The following CTBP1 variants were observed in gnomAD, a reference collection of about 807,000 sequenced individuals.
CTBP1 encodes C-terminal-binding protein 1.
CTBP1 carries 11 observed loss-of-function variants against 42.1 expected under a neutral mutation model. The ratio of observed to expected loss-of-function variants is 0.26; its 90% CI spans 0.16 to 0.43. The LOEUF is 0.43. CTBP1 is among the 20% of genes least tolerant of loss of function. The pLI is 1.00. For synonymous variants in CTBP1, 324 were observed against 277.1 expected (o/e 1.17, Z -1.68); for missense variants, 399 against 624.3 (o/e 0.64, Z 3.85).
rs927228537 is a variant in CTBP1, at chr4:1,241,505, G to A, written c.-174C>T. 15 of 1,599,490 alleles carry A rather than the reference G, an allele frequency of 9.4e-6. No homozygotes were observed. Among genetic ancestry groups the A allele is most frequent in the Middle Eastern group, 1.7e-4 (1 of 6,048 alleles). On this transcript the variant is annotated 5_prime_UTR_variant, in exon 2 of 10. Transcript: ENST00000382952. ...CGCGGCAATCACTGAAGCCTGCGTC[G>A]GGGTCAAAGTCTTACTAAAAATCAA...
At chr4:1,219,847 C>T (rs1289825504) in intron 5 of CTBP1, among the ~76,000 whole-genome samples, 2 of 152,176 alleles carry the variant, frequency 1.3e-5, no homozygotes, top group Non-Finnish European at 2.9e-5. Context: ...GAATTTAGAA[C>T]GCTGTGGGAT....
chr4:1,237,504 G>A (rs1226416783), intron 3 of CTBP1: 8 of 682,976 alleles, frequency 1.2e-5, no homozygotes. Context: ...AAAACCCCGT[G>A]TCCACCTCCT....
chr4:1,231,962 C>T (rs569008791), intron 3 of CTBP1, among the ~76,000 whole-genome samples: 1 of 152,256 alleles, frequency 6.6e-6, no homozygotes, highest in East Asian at 1.9e-4. Context: ...TCTCATACAC[C>T]GCTCTGTCTG....
intron 3 of CTBP1, chr4:1,236,787 C>G (rs1490866960): frequency 3.0e-6 from 2 of 669,326 alleles, no homozygotes; most frequent in Non-Finnish European, 5.4e-6. Flanking sequence ...CGGTGTCCAC[C>G]TCCTGATGGG....
At chr4:1,240,302 G>A (rs560809391) in intron 2 of CTBP1, among the ~76,000 whole-genome samples, 2 of 145,802 alleles carry the variant, frequency 1.4e-5, no homozygotes, top group South Asian at 2.3e-4. Flanking sequence ...GGGGACTCCC[G>A]GGTGCTGGGT....
In CTBP1 at chr4:1,212,905, C is replaced by T. The variant is rs779355019; in HGVS notation, c.1106+8G>A. On this transcript the variant is annotated splice_region_variant and intron_variant, in intron 9 of 9. Transcript: ENST00000382952. ...TGGAGGCTGTTCTGGGCCAGCGGGC[C>T]TGCTCACCTATAGGCAGCCCCATTG... The T allele has an allele frequency of 7.4e-6, 12 of 1,612,198 alleles. No homozygotes were observed. The highest frequency in any genetic ancestry group is 5.9e-6 in the Non-Finnish European group (7 of 1,178,868).
At chr4:1,247,332 G>C (rs1732819713) in intron 1 of CTBP1, among the ~76,000 whole-genome samples, 1 of 152,174 alleles carries the variant, frequency 6.6e-6, no homozygotes, top group African/African-American at 2.4e-5. Context: ...TGCAGAGGAC[G>C]CCTGTATGGA....
Position 1,214,371 on chromosome 4 carries a change from G to A in CTBP1, c.832C>T (p.Leu278=), listed in dbSNP as rs758464795. The A allele has an allele frequency of 1.3e-6, 2 of 1,567,090 alleles. No individual in the cohort carries two copies. The highest frequency in any genetic ancestry group is 1.7e-6 in the Non-Finnish European group (2 of 1,162,446). ...AAGGGTTCCGACTCGTGCACATCCA[G>A]GGCCGCGCCGCGGATCCGGCCCTCC... ...LKEGRIRGAA[L]DVHESEPFSF... is the part of the protein sequence containing the mutation. Residue 278 remains leucine (L), a synonymous_variant, in exon 7 of 10, where the codon CTG becomes TTG. Transcript: ENST00000382952.
intron 1 of CTBP1, among the ~76,000 whole-genome samples, chr4:1,246,521 C>T (rs1173047196): frequency 1.3e-5 from 2 of 152,218 alleles, no homozygotes; most frequent in African/African-American, 2.4e-5. Flanking sequence ...TTGGGCACTG[C>T]ATGGGGAGCA....
intron 1 of CTBP1, chr4:1,244,383 G>A (rs1377069763): frequency 3.1e-6 from 3 of 983,186 alleles, no homozygotes; most frequent in African/African-American, 3.5e-5. Flanking sequence ...GAAGTCCCAG[G>A]GGGCACCAAG....
chr4:1,244,206 A>G lies in CTBP1; in HGVS notation c.-188-2687T>C, dbSNP rs1319482663. 20 of 984,806 alleles carry G rather than the reference A, an allele frequency of 2.0e-5. No homozygotes were observed. The Admixed American group carries it at 1.2e-3, about 61-fold the overall frequency. The allele number at this position is 984,806 out of a possible 1,614,324, so 61.0% of individuals were successfully genotyped here. On this transcript the variant is annotated intron_variant, in intron 1 of 9. Coordinates refer to ENST00000382952, the MANE Select transcript of CTBP1 (RefSeq NM_001012614.2). The stretch of plus-strand genomic sequence containing the variant: ...TGCCGGATCCTCCCTCCTGTTGGCC[A>G]CGCCTGCCCACTCCGCCCCGATCCA...
chr4:1,213,182 T>C, intron 8 of CTBP1, 152 bp from the exon 9 acceptor site: 1 of 767,970 alleles, frequency 1.3e-6, no homozygotes, highest in Admixed American at 2.6e-5. Flanking sequence ...GTCCTGTCTC[T>C]CTGGGCACTG....
Position 1,214,327 on chromosome 4 carries a change from C to G in CTBP1, c.860+16G>C, listed in dbSNP as rs1289120807. 2 of 1,534,782 alleles carry G rather than the reference C, an allele frequency of 1.3e-6. No homozygotes were observed. Among genetic ancestry groups the G allele is most frequent in the African/African-American group, 2.9e-5 (2 of 69,458 alleles). ...GACAGGGAAGAGCAGGGGGGCGGCA[C>G]TGGCCGTGGGGGCACCTGAAGGGTT... On this transcript the variant is annotated intron_variant, in intron 7 of 9. Transcript: ENST00000382952.
At chr4:1,229,654 C>G (rs1392067444) in intron 3 of CTBP1, among the ~76,000 whole-genome samples, 1 of 152,214 alleles carries the variant, frequency 6.6e-6, no homozygotes, top group African/African-American at 2.4e-5. Context: ...CCTGTGGGAG[C>G]TGACCCTGCC....
At chr4:1,224,469 CTG>C (rs1239220743) in intron 5 of CTBP1, among the ~76,000 whole-genome samples, 1 of 150,484 alleles carries the variant, frequency 6.6e-6, no homozygotes. Flanking sequence ...CCCATGAGGC[CTG>C]TGTGTGCTGT....
Position 1,238,485 on chromosome 4 carries a change from T to C in CTBP1, c.8-148A>G. 9.6e-7 allele frequency: 1 copy of C among 1,037,118 alleles called. No individual in the cohort carries two copies. 64.2% of individuals were successfully genotyped at this position (1,037,118 alleles called of 1,614,324 possible). A position where few individuals can be genotyped will look rare whatever the true frequency, so the allele number is the denominator to read the frequency against. On this transcript the variant is annotated intron_variant, in intron 2 of 9. Transcript: ENST00000382952. This position sits in a 1 kb window ranked among gnomAD's most constrained non-coding sequence, Gnocchi z 5.9. ...TGTTGTGATATTTGTAAAAAGTAAATTAAAAATCCACGTGAAAGACAACTC... is the reference window on the plus strand; with the variant it reads ...TGTTGTGATATTTGTAAAAAGTAAACTAAAAATCCACGTGAAAGACAACTC...
At chr4:1,248,870 C>T (rs1371032413) in intron 1 of CTBP1, 46 bp downstream of exon 1, 6 of 937,566 alleles carry the variant, frequency 6.4e-6, no homozygotes, top group Non-Finnish European at 2.5e-6. Context: ...ACCCGCCCCG[C>T]CCCGCCCCCG....
At position 1,228,848 on chromosome 4, in the gene CTBP1, C is replaced by T. The variant is rs140920742; in HGVS notation, c.163-505G>A. On this transcript the variant is annotated intron_variant, in intron 3 of 9. Transcript: ENST00000382952. ...GGTAAGTCCCCGCGGCACACAAGCA[C>T]GTCGGCGGAGGCAGGCAGACGCCAC... is the stretch of plus-strand genomic sequence containing the variant. 3.6e-3 allele frequency among the ~76,000 whole-genome samples: 546 copies of T among 152,324 alleles called. 3 individuals carry two copies. The highest frequency in any genetic ancestry group is 0.012 in the African/African-American group (496 of 41,572).
intron 3 of CTBP1, among the ~76,000 whole-genome samples, chr4:1,230,277 C>T (rs1182781275): frequency 1.3e-5 from 2 of 152,218 alleles, no homozygotes. Context: ...GACTGGTGCA[C>T]AGCTGTGGTG....
Sources: gnomAD v4.1 joint callset for allele counts (sites outside exome capture counted in the v4.1 genomes callset) on GRCh38, gnomAD v4.1.1 for gene constraint, Gnocchi (gnomAD v3.1) non-coding constraint, MANE v1.5 for transcripts, NCBI Gene and HGNC (gene_info 2026-07-23, HGNC 2026-07-21) for gene names.